WASL: variants seen among roughly 807,000 people sequenced by gnomAD.
WASL encodes WASP like actin nucleation promoting factor, also known as actin nucleation-promoting factor WASL.
Under a neutral mutation model 55.5 loss-of-function variants are expected in WASL, and 20 were observed. That is an observed-to-expected ratio of 0.36 (90% CI 0.25 to 0.52). The LOEUF is 0.52. Among genes scored for constraint, WASL ranks in the 20% least tolerant of loss-of-function variants. The pLI, the probability that WASL is intolerant of heterozygous loss-of-function variation, is 0.92. For missense variants in WASL, 504 were observed against 622.5 expected (o/e 0.81, Z 2.03); for synonymous variants, 249 against 217.6 (o/e 1.14, Z -1.27).
chr7:123,742,335 A>T (rs1414911898), intron 1 of WASL, among the ~76,000 whole-genome samples: 1 of 152,198 alleles, frequency 6.6e-6, no homozygotes, highest in Non-Finnish European at 1.5e-5. Context: ...TAATATAATA[A>T]GCCATAATTT....
In WASL at chr7:123,743,882, G is replaced by T. The variant is rs567151008; in HGVS notation, c.117+4736C>A. ...TAAAATTCATAACCCAACCCTGTTG[G>T]ACTTTTCTGAATCTCTTCTTGTGCT... On this transcript the variant is annotated intron_variant, in intron 1 of 10. Transcript: ENST00000223023. Among the ~76,000 whole-genome samples the T allele has an allele frequency of 2.0e-5, 3 of 152,260 alleles. 1 individual carries two copies. The South Asian group carries it at 6.2e-4, about 32-fold the overall frequency.
intron 5 of WASL, among the ~76,000 whole-genome samples, chr7:123,703,856 G>A (rs1803626299): frequency 6.6e-6 from 1 of 152,148 alleles, no homozygotes; most frequent in Non-Finnish European, 1.5e-5. Flanking sequence ...ATAACAAAGT[G>A]TGCTGGAGAA....
At chr7:123,736,989 T>C (rs1420932817) in intron 1 of WASL, among the ~76,000 whole-genome samples, 1 of 152,180 alleles carries the variant, frequency 6.6e-6, no homozygotes, top group Non-Finnish European at 1.5e-5. Flanking sequence ...AAATCCAGTG[T>C]ACTGGCCAAG....
At position 123,689,352 on chromosome 7, in the gene WASL, C is replaced by A. The variant is rs553324816; in HGVS notation, c.1348-202G>T. Among the ~76,000 whole-genome samples the A allele has an allele frequency of 3.9e-5, 6 of 152,240 alleles. No individual in the cohort carries two copies. In the South Asian group the frequency reaches 8.3e-4, roughly 21 times the overall value. On this transcript the variant is annotated intron_variant, in intron 9 of 10. Transcript: ENST00000223023. The stretch of plus-strand genomic sequence containing the variant: ...ATATTATTCAAAAATATTTCCTTTC[C>A]ATCTTAATGTATAAGCCAAAAATAC...
chr7:123,706,810 C>T lies in WASL; in HGVS notation c.269G>A (p.Trp90Ter). ...AAAGTTATTGTATAGCTCTTGTTCCCACAATAGTTTCCCATCCTAGAAAAA... is the reference window on the plus strand; with the variant it reads ...AAAGTTATTGTATAGCTCTTGTTCCTACAATAGTTTCCCATCCTAGAAAAA... Reference protein sequence around the residue: ...IFDIKDGKLLWEQELYNNFVY... With the variant: ...IFDIKDGKLL The change falls in exon 3 of 11, where the codon TGG (tryptophan) becomes TAG (stop). Residue 90 changes from tryptophan to a stop codon, truncating the protein, a stop_gained. Coordinates refer to ENST00000223023, the MANE Select transcript of WASL (RefSeq NM_003941.4). LOFTEE classifies it high-confidence loss of function. 6.4e-7 allele frequency: 1 copy of T among 1,552,176 alleles called. No individual in the cohort carries two copies. The highest frequency in any genetic ancestry group is 8.7e-7 in the Non-Finnish European group (1 of 1,154,204).
chr7:123,747,904 A>G (rs1804462361), intron 1 of WASL, among the ~76,000 whole-genome samples: 1 of 152,008 alleles, frequency 6.6e-6, no homozygotes, highest in South Asian at 2.1e-4. Flanking sequence ...TCGGCCCCAA[A>G]AGCCAAGAGC....
intron 1 of WASL, among the ~76,000 whole-genome samples, chr7:123,744,241 G>A (rs572872491): frequency 6.6e-6 from 1 of 152,220 alleles, no homozygotes; most frequent in South Asian, 2.1e-4. Context: ...AACCATTTCG[G>A]TCGCTTAATA....
chr7:123,724,554 C>G lies in WASL; in HGVS notation c.118-15331G>C, dbSNP rs552097961. On this transcript the variant is annotated intron_variant, in intron 1 of 10. Coordinates refer to ENST00000223023, the MANE Select transcript of WASL (RefSeq NM_003941.4). ...GCTTCACCAAAACACTGTTCACCCT[C>G]TAAAGACAAGGGCCACATGCTCTTG... is the stretch of plus-strand genomic sequence containing the variant. Among the ~76,000 whole-genome samples, 4 of 152,304 alleles carry G rather than the reference C, an allele frequency of 2.6e-5. No homozygotes were observed. In the South Asian group the frequency reaches 8.3e-4, roughly 32 times the overall value.
intron 2 of WASL, among the ~76,000 whole-genome samples, chr7:123,707,720 T>C (rs887811607): frequency 5.9e-5 from 9 of 152,182 alleles, no homozygotes; most frequent in Non-Finnish European, 1.3e-4. Context: ...TGCTTCTCAA[T>C]GGTTATGAGA....
chr7:123,741,234 A>C (rs1804337338), intron 1 of WASL, among the ~76,000 whole-genome samples: 1 of 152,186 alleles, frequency 6.6e-6, no homozygotes, highest in Non-Finnish European at 1.5e-5. Flanking sequence ...ACTCTTTCTT[A>C]AATGTGTTAC....
chr7:123,734,439 A>C (rs868806674), intron 1 of WASL, among the ~76,000 whole-genome samples: 3 of 152,150 alleles, frequency 2.0e-5, no homozygotes, highest in East Asian at 3.8e-4. Context: ...TGATAGCAAA[A>C]CTATTAAAAT....
intron 1 of WASL, among the ~76,000 whole-genome samples, chr7:123,735,929 A>C (rs1413533158): frequency 6.6e-6 from 1 of 152,168 alleles, no homozygotes; most frequent in Non-Finnish European, 1.5e-5. Flanking sequence ...AACTTAGTTA[A>C]AACCCAGCAA....
At chr7:123,729,624 T>C (rs972834625) in intron 1 of WASL, among the ~76,000 whole-genome samples, 17 of 152,152 alleles carry the variant, frequency 1.1e-4, no homozygotes, top group African/African-American at 3.9e-4. Context: ...AACATAAAAA[T>C]CAATCTACAA....
intron 1 of WASL, among the ~76,000 whole-genome samples, chr7:123,715,867 G>A (rs1803832912): frequency 1.3e-5 from 2 of 152,196 alleles, no homozygotes; most frequent in African/African-American, 4.8e-5. Flanking sequence ...AAAATGGCAA[G>A]TCTTACTGTA....
In WASL at chr7:123,709,010, T is replaced by TA. The variant is rs1803715106; in HGVS notation, c.252+78dup. 6 of 1,334,254 alleles carry TA rather than the reference T, an allele frequency of 4.5e-6. No homozygotes were observed. The South Asian group carries it at 1.1e-4, about 23-fold the overall frequency. 82.7% of individuals were successfully genotyped at this position (1,334,254 alleles called of 1,614,324 possible). On this transcript the variant is annotated intron_variant, in intron 2 of 10. Coordinates refer to ENST00000223023, the MANE Select transcript of WASL (RefSeq NM_003941.4). ...ATAAATTTAAATATCACATATAGGA[T>TA]AAACAAATCTAAACTAAATTATAAT...
intron 1 of WASL, among the ~76,000 whole-genome samples, chr7:123,715,998 C>G (rs1469705249): frequency 1.3e-5 from 2 of 152,134 alleles, no homozygotes. Flanking sequence ...AAAAGGGCAG[C>G]TCATAGGTGC....
chr7:123,733,301 T>C (rs752276343), intron 1 of WASL, among the ~76,000 whole-genome samples: 41 of 152,196 alleles, frequency 2.7e-4, no homozygotes, highest in Non-Finnish European at 8.8e-5. Flanking sequence ...TAAGCCTTTA[T>C]ATCAAGCAAG....
intron 1 of WASL, among the ~76,000 whole-genome samples, chr7:123,735,054 GAAT>G (rs890841828): frequency 2.1e-5 from 3 of 141,418 alleles, no homozygotes; most frequent in Non-Finnish European, 3.0e-5. Flanking sequence ...AAACAACCAA[GAAT>G]AATAAGACAG....
At chr7:123,733,482 A>T (rs191642876) in intron 1 of WASL, among the ~76,000 whole-genome samples, 2 of 152,320 alleles carry the variant, frequency 1.3e-5, no homozygotes, top group East Asian at 3.9e-4. Flanking sequence ...TGATGAAAGA[A>T]ATCAAAGATG....
Sources: allele counts gnomAD v4.1 joint callset (sites outside exome capture counted in the v4.1 genomes callset), GRCh38; gene constraint gnomAD v4.1.1; transcripts MANE v1.5; gene names NCBI Gene and HGNC (gene_info 2026-07-23, HGNC 2026-07-21).